NRG1: variants seen among roughly 807,000 people sequenced by gnomAD.
NRG1 encodes the protein neuregulin 1, also known as pro-neuregulin-1, membrane-bound isoform.
Under a neutral mutation model 63.8 loss-of-function variants are expected in NRG1, and 18 were observed. The ratio of observed to expected loss-of-function variants is 0.28; its 90% CI spans 0.19 to 0.42. NRG1 has a LOEUF of 0.42. Among genes scored for constraint, NRG1 ranks in the 10% least tolerant of loss-of-function variants. NRG1 has a pLI of 1.00. For synonymous variants in NRG1, 302 were observed against 301.3 expected (o/e 1.00, Z -0.02); for missense variants, 762 against 814.7 (o/e 0.94, Z 0.79).
At chr8:32,348,712 CTA>C (rs1805221734) in intron 1 of NRG1, among the ~76,000 whole-genome samples, 1 of 152,108 alleles carries the variant, frequency 6.6e-6, no homozygotes, top group Admixed American at 6.6e-5. Flanking sequence ...GTGAAATAGG[CTA>C]TGTGTTAATC....
intron 1 of NRG1, among the ~76,000 whole-genome samples, chr8:31,808,257 A>G (rs1191960924): frequency 6.6e-6 from 1 of 151,924 alleles, no homozygotes. Flanking sequence ...TTCTTTGTGT[A>G]AGCTGATGTA....
chr8:32,773,012 C>A (rs1831906048), intron 7 of NRG1, among the ~76,000 whole-genome samples: 1 of 152,104 alleles, frequency 6.6e-6, no homozygotes, highest in Non-Finnish European at 1.5e-5. Flanking sequence ...TAGTTTATAA[C>A]CCTTATCTTC....
chr8:32,609,693 G>A (rs1376454298), intron 3 of NRG1, among the ~76,000 whole-genome samples: 5 of 126,100 alleles, frequency 4.0e-5, no homozygotes, highest in African/African-American at 6.0e-5. Flanking sequence ...ATGGTGTTTC[G>A]CTGTGTCACC....
At chr8:32,080,764 CGTGTGTGTGTGTGTGTGT>C (rs3084557) in intron 1 of NRG1, among the ~76,000 whole-genome samples, 10 of 148,728 alleles carry the variant, frequency 6.7e-5, no homozygotes, top group Non-Finnish European at 1.0e-4. Flanking sequence ...TGTGTGTGTG[CGTGTGTGTGTGTGTGTGT>C]GTGTGTGTGT....
intron 3 of NRG1, among the ~76,000 whole-genome samples, chr8:32,609,998 T>C (rs1341787700): frequency 6.6e-6 from 1 of 151,350 alleles, no homozygotes; most frequent in Admixed American, 6.6e-5. Context: ...TTGTGGATTC[T>C]AGAAAAAAAA....
chr8:31,978,611 G>T (rs1310377099), intron 1 of NRG1, among the ~76,000 whole-genome samples: 1 of 152,072 alleles, frequency 6.6e-6, no homozygotes, highest in Non-Finnish European at 1.5e-5. Flanking sequence ...TTAAACCCAT[G>T]TGATGTTTAA....
intron 1 of NRG1, among the ~76,000 whole-genome samples, chr8:32,305,629 T>G (rs972846524): frequency 6.6e-5 from 10 of 152,236 alleles, no homozygotes; most frequent in Admixed American, 2.6e-4. Flanking sequence ...AGCCTTGGTT[T>G]GCCCCAGTGC....
intron 1 of NRG1, among the ~76,000 whole-genome samples, chr8:32,207,357 C>T (rs7005239): frequency 2.6e-5 from 4 of 152,032 alleles, no homozygotes; most frequent in Non-Finnish European, 5.9e-5. Flanking sequence ...GCAGAAATGA[C>T]CATTACTTTT....
chr8:31,934,607 T>A (rs1835148495), intron 1 of NRG1, among the ~76,000 whole-genome samples: 1 of 152,060 alleles, frequency 6.6e-6, no homozygotes, highest in South Asian at 2.1e-4. Flanking sequence ...CATTGGCTTT[T>A]GTACCTCCAA....
At chr8:31,820,137 G>T (rs900453032) in intron 1 of NRG1, among the ~76,000 whole-genome samples, 4 of 152,210 alleles carry the variant, frequency 2.6e-5, no homozygotes, top group African/African-American at 9.6e-5. Flanking sequence ...TCAGAGAACA[G>T]ATTGTGTATT....
At chr8:32,022,005 T>C (rs1001294162) in intron 1 of NRG1, among the ~76,000 whole-genome samples, 2 of 152,204 alleles carry the variant, frequency 1.3e-5, no homozygotes, top group Admixed American at 1.3e-4. Flanking sequence ...CTATTTATTG[T>C]TCTAGATTTG....
chr8:32,040,133 T>G (rs901856330), intron 1 of NRG1, among the ~76,000 whole-genome samples: 4 of 152,184 alleles, frequency 2.6e-5, no homozygotes, highest in Non-Finnish European at 5.9e-5. Context: ...ATAAAGGGAT[T>G]CTGGTCTGGG....
chr8:32,148,342 C>A (rs746673596), intron 1 of NRG1, among the ~76,000 whole-genome samples: 2 of 152,148 alleles, frequency 1.3e-5, no homozygotes, highest in Non-Finnish European at 2.9e-5. Flanking sequence ...CAGGAAGTGG[C>A]AAATGTTGAA....
chr8:32,485,676 C>T (rs984281778), intron 1 of NRG1, among the ~76,000 whole-genome samples: 8 of 152,170 alleles, frequency 5.3e-5, no homozygotes, highest in South Asian at 2.1e-4. Context: ...TGAGAACACA[C>T]GTATTAACCA....
chr8:32,404,638 G>A (rs918821456), intron 1 of NRG1, among the ~76,000 whole-genome samples: 65 of 147,600 alleles, frequency 4.4e-4, no homozygotes, highest in Non-Finnish European at 7.6e-4. Context: ...AGGCTGGGGT[G>A]CAGTGGCATG....
At chr8:31,877,519 A>T (rs1415698162) in intron 1 of NRG1, among the ~76,000 whole-genome samples, 1 of 151,980 alleles carries the variant, frequency 6.6e-6, no homozygotes, top group Non-Finnish European at 1.5e-5. Flanking sequence ...TAATATATAT[A>T]AATTATCATA....
chr8:31,844,835 G>A (rs955080417), intron 1 of NRG1, among the ~76,000 whole-genome samples: 24 of 151,280 alleles, frequency 1.6e-4, no homozygotes, highest in African/African-American at 5.3e-4. Flanking sequence ...AAAAAAAAAT[G>A]AGAGTGAGTT....
At chr8:32,275,561 C>T (rs1852006770) in intron 1 of NRG1, among the ~76,000 whole-genome samples, 2 of 152,050 alleles carry the variant, frequency 1.3e-5, no homozygotes, top group African/African-American at 2.4e-5. Context: ...GAGCAAAATC[C>T]CTGGAACTGG....
chr8:32,374,787 T>C (rs557736820), intron 1 of NRG1, among the ~76,000 whole-genome samples: 2 of 152,230 alleles, frequency 1.3e-5, no homozygotes, highest in South Asian at 4.1e-4. Flanking sequence ...TAAGCTATAA[T>C]TTAAAGTTAC....
Sources: gnomAD v4.1 joint callset for allele counts (sites outside exome capture counted in the v4.1 genomes callset) on GRCh38, gnomAD v4.1.1 for gene constraint, MANE v1.5 for transcripts, NCBI Gene and HGNC (gene_info 2026-07-23, HGNC 2026-07-21) for gene names.